Variants in USP45 observed in about 807,000 individuals in gnomAD.
The protein encoded by USP45 is ubiquitin specific peptidase 45, also known as ubiquitin carboxyl-terminal hydrolase 45.
USP45 carries 89 observed loss-of-function variants against 95.8 expected under a neutral mutation model. The observed-to-expected ratio is 0.93, with a 90% CI of 0.78 to 1.11. The LOEUF (loss-of-function observed/expected upper bound fraction) is 1.11. Among genes scored for constraint, USP45 ranks in the 50% least tolerant of loss-of-function variants. The pLI is 0.00. For missense variants in USP45, 898 were observed against 942.5 expected (o/e 0.95, Z 0.62); for synonymous variants, 281 against 316.2 (o/e 0.89, Z 1.18).
Position 99,445,882 on chromosome 6 carries a change from C to A in USP45, c.1890G>T (p.Met630Ile). 2 of 1,613,048 alleles carry A rather than the reference C, an allele frequency of 1.2e-6. No individual in the cohort carries two copies. The highest frequency in any genetic ancestry group is 8.5e-7 in the Non-Finnish European group (1 of 1,179,792). ...GCTTATTATTCCCCATTAGTAATTCCATAGATGTAAACTGGTAGAGACAGG... is the reference window on the plus strand; with the variant it reads ...GCTTATTATTCCCCATTAGTAATTCAATAGATGTAAACTGGTAGAGACAGG... Reference protein sequence around the residue: ...IQSCLYQFTSMELLMGNNKLL... With the variant: ...IQSCLYQFTSIELLMGNNKLL... The change falls in exon 14 of 18, where the codon ATG becomes ATT. Residue 630 changes from methionine (M) to isoleucine (I), a missense_variant. Physicochemically the swap from Met to Ile is conservative, Grantham distance 10 (BLOSUM62 1). Transcript: ENST00000500704.
chr6:99,454,205 T>C (rs929272902), intron 13 of USP45, among the ~76,000 whole-genome samples: 4 of 152,124 alleles, frequency 2.6e-5, no homozygotes, highest in African/African-American at 9.7e-5. Context: ...GAACAAACAC[T>C]GGGGGAAGGA....
chr6:99,437,799 A>G (rs1246871911), intron 16 of USP45, among the ~76,000 whole-genome samples: 1 of 152,180 alleles, frequency 6.6e-6, no homozygotes, highest in African/African-American at 2.4e-5. Flanking sequence ...CTGGGATTAC[A>G]GGGGTCTGTC....
At chr6:99,469,458 TTAATATATATATA>T (rs1404971837) in intron 9 of USP45, among the ~76,000 whole-genome samples, 1 of 138,760 alleles carries the variant, frequency 7.2e-6, no homozygotes, top group Non-Finnish European at 1.5e-5. Flanking sequence ...ATATATATAA[TTAATATATATATA>T]ATATATATAT....
intron 13 of USP45, among the ~76,000 whole-genome samples, chr6:99,452,977 T>C: frequency 6.6e-6 from 1 of 151,414 alleles, no homozygotes; most frequent in Non-Finnish European, 1.5e-5. Flanking sequence ...AATTGAACAA[T>C]GAGAACACTT....
At chr6:99,443,716 C>T (rs1781946447) in intron 14 of USP45, 54 bp from the exon 15 acceptor site, 2 of 1,144,976 alleles carry the variant, frequency 1.7e-6, no homozygotes, top group South Asian at 1.8e-5. Flanking sequence ...ACATTATCTA[C>T]CATATAATAA....
chr6:99,467,521 T>G (rs1344410319), intron 10 of USP45, among the ~76,000 whole-genome samples: 1 of 152,252 alleles, frequency 6.6e-6, no homozygotes, highest in African/African-American at 2.4e-5. Flanking sequence ...CAAAATCATT[T>G]AAAATATTAG....
Position 99,445,853 on chromosome 6 carries a change from A to C in USP45, c.1919T>G (p.Leu640Arg), listed in dbSNP as rs755590167. ...MELLMGNNKL[L>R]CENCTKNKQK... ...TTTGTTTTTAGTACAATTCTCACAT[A>C]GAAGCTTATTATTCCCCATTAGTAA... Residue 640 changes from leucine to arginine, a missense_variant, in exon 14 of 18, where the codon CTA (leucine) becomes CGA (arginine). Coordinates refer to ENST00000500704, the MANE Select transcript of USP45 (RefSeq NM_001346022.3). 2.5e-6 allele frequency: 4 copies of C among 1,605,496 alleles called. No individual in the cohort carries two copies.
intron 2 of USP45, 45 bp from the exon 3 acceptor site, chr6:99,508,827 A>G (rs750698355): frequency 6.5e-6 from 10 of 1,548,412 alleles, no homozygotes; most frequent in Non-Finnish European, 8.7e-6. Flanking sequence ...TTGCTACACC[A>G]AAGTGCTACC....
chr6:99,469,781 T>G (rs1163460807), intron 9 of USP45, among the ~76,000 whole-genome samples: 1 of 151,818 alleles, frequency 6.6e-6, no homozygotes, highest in Non-Finnish European at 1.5e-5. Context: ...CCACACCTGT[T>G]TTTTGTTGTT....
At chr6:99,490,302 T>C (rs1482228145) in intron 5 of USP45, among the ~76,000 whole-genome samples, 1 of 152,042 alleles carries the variant, frequency 6.6e-6, no homozygotes, top group Non-Finnish European at 1.5e-5. Context: ...AAGCTGAGAT[T>C]ACAGGCACCT....
chr6:99,448,908 T>G (rs1011451907), intron 13 of USP45, among the ~76,000 whole-genome samples: 4 of 152,196 alleles, frequency 2.6e-5, no homozygotes, highest in Non-Finnish European at 5.9e-5. Flanking sequence ...CAGAATTTCA[T>G]ATCCAGCCAA....
At chr6:99,450,674 A>G (rs1264607221) in intron 13 of USP45, among the ~76,000 whole-genome samples, 2 of 152,200 alleles carry the variant, frequency 1.3e-5, no homozygotes, top group Non-Finnish European at 2.9e-5. Flanking sequence ...ATCTTTCCTA[A>G]CTCATTTTAT....
At chr6:99,506,490 G>A (rs931282814) in intron 4 of USP45, among the ~76,000 whole-genome samples, 31 of 152,180 alleles carry the variant, frequency 2.0e-4, no homozygotes, top group African/African-American at 7.2e-4. Flanking sequence ...TGTATCTTTC[G>A]TAGAGACGGG....
intron 7 of USP45, among the ~76,000 whole-genome samples, chr6:99,483,843 T>C (rs374645944): frequency 2.7e-4 from 2 of 7,544 alleles, no homozygotes; most frequent in Admixed American, 1.4e-3. Flanking sequence ...AGACTCCGTC[T>C]CAAAAAAAAA....
At chr6:99,459,894 G>A (rs963157911) in intron 13 of USP45, among the ~76,000 whole-genome samples, 76 of 152,102 alleles carry the variant, frequency 5.0e-4, no homozygotes, top group Admixed American at 3.8e-3. Flanking sequence ...TGGGGTCTAG[G>A]GAAACAAAAA....
At chr6:99,482,706 G>C in intron 8 of USP45, 47 bp downstream of exon 8, 3 of 1,523,964 alleles carry the variant, frequency 2.0e-6, no homozygotes, top group Non-Finnish European at 2.7e-6. Flanking sequence ...GAATACATTA[G>C]TATTTTGTAA....
At chr6:99,469,419 G>T (rs1461462552) in intron 9 of USP45, among the ~76,000 whole-genome samples, 2 of 144,202 alleles carry the variant, frequency 1.4e-5, no homozygotes, top group Non-Finnish European at 3.1e-5. Flanking sequence ...GTAGGATGAG[G>T]GAAAAGTTTA....
chr6:99,435,185 G>A lies in USP45; in HGVS notation c.*531C>T, dbSNP rs927643769. 5.2e-5 allele frequency: 8 copies of A among 152,516 alleles called. No homozygotes were observed. Among genetic ancestry groups the A allele is most frequent in the African/African-American group, 1.9e-4 (8 of 41,398 alleles). The allele number at this position is 152,516 out of a possible 1,614,324, so 9.4% of individuals were successfully genotyped here. Reference sequence around the variant, plus strand: ...GAGATGATTTTAAGTTAAGTGGTACGTGGATAAACAATTTTTAATAGTTTT... The same window carrying A: ...GAGATGATTTTAAGTTAAGTGGTACATGGATAAACAATTTTTAATAGTTTT... On this transcript the variant is annotated 3_prime_UTR_variant, in exon 18 of 18. Coordinates refer to ENST00000500704, the MANE Select transcript of USP45 (RefSeq NM_001346022.3).
At chr6:99,458,201 A>G (rs1330059918) in intron 13 of USP45, among the ~76,000 whole-genome samples, 1 of 152,060 alleles carries the variant, frequency 6.6e-6, no homozygotes, top group African/African-American at 2.4e-5. Flanking sequence ...TTGCATTTTT[A>G]GTAGAGATAA....
Sources: gnomAD v4.1 joint callset for allele counts (sites outside exome capture counted in the v4.1 genomes callset) on GRCh38, gnomAD v4.1.1 for gene constraint, MANE v1.5 for transcripts, NCBI Gene and HGNC (gene_info 2026-07-23, HGNC 2026-07-21) for gene names.